The following COL23A1 variants were observed in gnomAD, a reference collection of about 807,000 sequenced individuals.
The protein encoded by COL23A1 is collagen type XXIII alpha 1 chain, also known as collagen alpha-1(XXIII) chain.
A neutral mutation model predicts 99.3 loss-of-function variants in COL23A1; 97 were observed. The ratio of observed to expected loss-of-function variants is 0.98; its 90% CI spans 0.83 to 1.16. The LOEUF (loss-of-function observed/expected upper bound fraction) is 1.16, where lower values mean the gene tolerates loss of function less well. COL23A1 is among the 50% of genes most tolerant of loss of function. COL23A1 has a pLI of 0.00. For synonymous variants in COL23A1, 320 were observed against 308.2 expected (o/e 1.04, Z -0.40); for missense variants, 762 against 757.4 (o/e 1.01, Z -0.07).
intron 2 of COL23A1, among the ~76,000 whole-genome samples, chr5:178,516,878 G>T (rs75467941): frequency 0.02 from 3,100 of 152,252 alleles, 50 homozygotes; most frequent in Non-Finnish European, 0.029. Context: ...AGAGGAGGAG[G>T]GTACATTACG....
rs1300218348 is a variant in COL23A1, at chr5:178,281,562, G to T, written c.441+6762C>A. ...GGGCCCAGGAGGTGCCGTGCGTGTG[G>T]TTTTGGGTGTGCTCAGAGCTGACCT... is the stretch of plus-strand genomic sequence containing the variant. On this transcript the variant is annotated intron_variant, in intron 5 of 28. Coordinates refer to ENST00000390654, the MANE Select transcript of COL23A1 (RefSeq NM_173465.4). The surrounding 1 kb of genome is among the most constrained non-coding windows in gnomAD (Gnocchi z 4.0). Among the ~76,000 whole-genome samples the T allele has an allele frequency of 6.6e-6, 1 of 152,126 alleles. No individual in the cohort carries two copies. The highest frequency in any genetic ancestry group is 1.5e-5 in the Non-Finnish European group (1 of 68,032).
chr5:178,576,765 G>A (rs1443223534), intron 1 of COL23A1, among the ~76,000 whole-genome samples: 3 of 151,876 alleles, frequency 2.0e-5, no homozygotes, highest in Admixed American at 6.5e-5. Flanking sequence ...GTCCCCCGGC[G>A]ACCGCCGCGC....
rs1263217779 is a variant in COL23A1 at position 178,365,468 on chromosome 5, T to C, written c.362-58549A>G. Reference sequence around the variant, plus strand: ...TACCCGCCACCCAATCCCTCTTTCTTTTGACGGGTACCCGCCACCCAATCC... The same window carrying C: ...TACCCGCCACCCAATCCCTCTTTCTCTTGACGGGTACCCGCCACCCAATCC... On this transcript the variant is annotated intron_variant, in intron 2 of 28. Transcript: ENST00000390654. This position sits in a 1 kb window ranked among gnomAD's most constrained non-coding sequence, Gnocchi z 5.2. 6.6e-6 allele frequency among the ~76,000 whole-genome samples: 1 copy of C among 151,888 alleles called. No individual in the cohort carries two copies. The highest frequency in any genetic ancestry group is 1.5e-5 in the Non-Finnish European group (1 of 67,952).
rs982580511 is a variant in COL23A1, at chr5:178,544,357, C to T, written c.361+16325G>A. On this transcript the variant is annotated intron_variant, in intron 2 of 28. Transcript: ENST00000390654. The surrounding 1 kb of genome is among the most constrained non-coding windows in gnomAD (Gnocchi z 4.4). ...GGCGGGGAAGGCAAGTCGGCGGATGCGCACTTCAGGGAGGACGCAGGCGCA... is the reference window on the plus strand; with the variant it reads ...GGCGGGGAAGGCAAGTCGGCGGATGTGCACTTCAGGGAGGACGCAGGCGCA... Among the ~76,000 whole-genome samples, 2 of 152,198 alleles carry T rather than the reference C, an allele frequency of 1.3e-5. No individual in the cohort carries two copies. The highest frequency in any genetic ancestry group is 2.4e-5 in the African/African-American group (1 of 41,456).
intron 2 of COL23A1, among the ~76,000 whole-genome samples, chr5:178,453,814 C>CT (rs890170344): frequency 6.6e-6 from 1 of 152,176 alleles, no homozygotes; most frequent in African/African-American, 2.4e-5. Flanking sequence ...GGCAGTCTGT[C>CT]TCACTTCTCA....
chr5:178,318,187 A>C (rs1426460032), intron 2 of COL23A1, among the ~76,000 whole-genome samples: 1 of 152,242 alleles, frequency 6.6e-6, no homozygotes, highest in African/African-American at 2.4e-5. Flanking sequence ...ATGTTTCCAG[A>C]ATCCGCAGGA....
At chr5:178,402,506 G>A (rs1764504588) in intron 2 of COL23A1, among the ~76,000 whole-genome samples, 1 of 152,170 alleles carries the variant, frequency 6.6e-6, no homozygotes, top group Non-Finnish European at 1.5e-5. Context: ...TCAGTAGAGT[G>A]ACTATAGTTA....
intron 2 of COL23A1, among the ~76,000 whole-genome samples, chr5:178,541,925 G>A (rs1419099897): frequency 6.6e-6 from 1 of 152,212 alleles, no homozygotes; most frequent in African/African-American, 2.4e-5. Flanking sequence ...GGGACACTAG[G>A]GGAGTCTGTG....
At chr5:178,471,968 G>C (rs1756777364) in intron 2 of COL23A1, among the ~76,000 whole-genome samples, 1 of 152,130 alleles carries the variant, frequency 6.6e-6, no homozygotes, top group Admixed American at 6.5e-5. Context: ...TTGTCTCCAT[G>C]GTTGTCATCT....
Position 178,504,072 on chromosome 5 carries a change from G to A in COL23A1, c.361+56610C>T, listed in dbSNP as rs1345565571. Among the ~76,000 whole-genome samples, 4 of 152,158 alleles carry A rather than the reference G, an allele frequency of 2.6e-5. No homozygotes were observed. In the East Asian group the frequency reaches 5.8e-4, roughly 22 times the overall value. ...ACCTCATCTCAGGAAAGACATTCCTGGCTGTACCAGGTGGAGCTCTGAATT... is the reference window on the plus strand; with the variant it reads ...ACCTCATCTCAGGAAAGACATTCCTAGCTGTACCAGGTGGAGCTCTGAATT... On this transcript the variant is annotated intron_variant, in intron 2 of 28. Coordinates refer to ENST00000390654, the MANE Select transcript of COL23A1 (RefSeq NM_173465.4).
chr5:178,365,669 C>A lies in COL23A1; in HGVS notation c.362-58750G>T, dbSNP rs1365988828. The stretch of plus-strand genomic sequence containing the variant: ...GCAGTGGCCCCTCTCTTCTCCTCGA[C>A]AACTGCGTGCTGTTCCCGGCAGACC... On this transcript the variant is annotated intron_variant, in intron 2 of 28. Coordinates refer to ENST00000390654, the MANE Select transcript of COL23A1 (RefSeq NM_173465.4). This position sits in a 1 kb window ranked among gnomAD's most constrained non-coding sequence, Gnocchi z 5.2. Among the ~76,000 whole-genome samples the A allele has an allele frequency of 6.6e-6, 1 of 152,200 alleles. No individual in the cohort carries two copies. Among genetic ancestry groups the A allele is most frequent in the Non-Finnish European group, 1.5e-5 (1 of 68,028 alleles).
At chr5:178,369,426 G>A (rs75300763) in intron 2 of COL23A1, among the ~76,000 whole-genome samples, 29 of 152,314 alleles carry the variant, frequency 1.9e-4, no homozygotes, top group African/African-American at 6.5e-4. Context: ...AACAAGAGAC[G>A]CTTCATCTTC....
At chr5:178,527,745 C>T (rs530305352) in intron 2 of COL23A1, among the ~76,000 whole-genome samples, 10 of 152,226 alleles carry the variant, frequency 6.6e-5, no homozygotes, top group Non-Finnish European at 1.0e-4. Context: ...GCCACTCAGA[C>T]GCCCCTGCCC....
chr5:178,246,575 G>A, intron 22 of COL23A1, 122 bp from the exon 23 acceptor site: 1 of 985,502 alleles, frequency 1.0e-6, no homozygotes, highest in Non-Finnish European at 1.5e-6. Context: ...GCTCCCCCAG[G>A]CCTGGCCCCA....
At position 178,366,722 on chromosome 5, in the gene COL23A1, G is replaced by A. The variant is rs138274920; in HGVS notation, c.362-59803C>T. The stretch of plus-strand genomic sequence containing the variant: ...AGCCACACTGAGCATCCCAAACCTC[G>A]CCGGAAGCACGTTCCTCCTCCGTGC... On this transcript the variant is annotated intron_variant, in intron 2 of 28. Transcript: ENST00000390654. This position sits in a 1 kb window ranked among gnomAD's most constrained non-coding sequence, Gnocchi z 4.4. Among the ~76,000 whole-genome samples the A allele has an allele frequency of 1.6e-3, 245 of 152,248 alleles. 4 individuals are homozygous for A. The South Asian group carries it at 0.032, about 20-fold the overall frequency.
chr5:178,392,340 C>T (rs192427725), intron 2 of COL23A1, among the ~76,000 whole-genome samples: 3 of 152,284 alleles, frequency 2.0e-5, no homozygotes, highest in Admixed American at 2.0e-4. Flanking sequence ...TCGGAGCACA[C>T]TCACCTTATT....
At chr5:178,383,413 G>A (rs1443040903) in intron 2 of COL23A1, among the ~76,000 whole-genome samples, 2 of 152,338 alleles carry the variant, frequency 1.3e-5, no homozygotes, top group East Asian at 3.9e-4. Context: ...GTCAAGGGTG[G>A]CTCCCTTGGT....
At chr5:178,282,598 C>T (rs1261848075) in intron 5 of COL23A1, among the ~76,000 whole-genome samples, 2 of 152,156 alleles carry the variant, frequency 1.3e-5, no homozygotes, top group African/African-American at 4.8e-5. Context: ...GCAAGCAGGC[C>T]GTGTGTCTCA....
chr5:178,510,574 G>A (rs1209573499), intron 2 of COL23A1, among the ~76,000 whole-genome samples: 2 of 152,042 alleles, frequency 1.3e-5, no homozygotes, highest in East Asian at 1.9e-4. Context: ...GCTAAATGAC[G>A]AGTTAATGGG....
Sources: gnomAD v4.1 joint callset for allele counts (sites outside exome capture counted in the v4.1 genomes callset) on GRCh38, gnomAD v4.1.1 for gene constraint, Gnocchi (gnomAD v3.1) non-coding constraint, MANE v1.5 for transcripts, NCBI Gene and HGNC (gene_info 2026-07-23, HGNC 2026-07-21) for gene names.